Variants in PAOX observed in about 807,000 individuals in gnomAD.
The protein encoded by PAOX is polyamine oxidase, also known as peroxisomal N(1)-acetyl-spermine/spermidine oxidase.
Under a neutral mutation model 39.0 loss-of-function variants are expected in PAOX, and 38 were observed. The ratio of observed to expected loss-of-function variants is 0.97; its 90% CI spans 0.75 to 1.28. The LOEUF is 1.28. Ranked by LOEUF, PAOX falls within the 50% of genes most tolerant of loss-of-function variation. The probability of loss-of-function intolerance (pLI) is 0.00; values close to 1 mark genes in which losing one functional copy is unlikely to be tolerated. For synonymous variants in PAOX, 311 were observed against 314.4 expected, an observed-to-expected ratio of 0.99 and a Z score of 0.11; for missense variants, 667 against 685.7, an observed-to-expected ratio of 0.97 and a Z score of 0.30.
chr10:133,386,671 T>C (rs991042656), intron 4 of PAOX, among the ~76,000 whole-genome samples: 7 of 149,540 alleles, frequency 4.7e-5, no homozygotes, highest in African/African-American at 1.7e-4. Flanking sequence ...ATGGGGTTTC[T>C]CCATGTTGGT....
Position 133,379,335 on chromosome 10 carries a change from G to C in PAOX, c.19G>C (p.Val7Leu). 3 of 1,217,922 alleles carry C rather than the reference G, an allele frequency of 2.5e-6. No individual in the cohort carries two copies. In the South Asian group the frequency reaches 1.2e-4, roughly 50 times the overall value. The allele number at this position is 1,217,922 out of a possible 1,614,324, so 75.4% of individuals were successfully genotyped here. Residue 7 changes from valine to leucine, a missense_variant, in exon 1 of 7, where the codon GTC becomes CTC. Physicochemically the swap from Val to Leu is conservative, Grantham distance 32. Transcript: ENST00000278060. The part of the protein sequence containing the change: MESTGS[V>L]GEAPGGPRVL... ...CCGCGCGATGGAGTCGACCGGCAGC[G>C]TCGGGGAGGCCCCGGGCGGACCCCG...
At position 133,389,659 on chromosome 10, in the gene PAOX, G is replaced by A; in HGVS notation, c.1304G>A (p.Gly435Glu). 6.2e-7 allele frequency: 1 copy of A among 1,613,056 alleles called. No individual in the cohort carries two copies. The highest frequency in any genetic ancestry group is 1.1e-5 in the South Asian group (1 of 91,074). The part of the protein sequence containing the change: ...SRWHSAPYTR[G>E]SYSYVAVGST... ...TGGCACAGCGCCCCGTACACTAGGG[G>A]GTCCTACAGCTACGTGGCCGTGGGC... Residue 435 changes from glycine to glutamate, a missense_variant, in exon 6 of 7, where the codon GGG (glycine) becomes GAG (glutamate). Transcript: ENST00000278060.
intron 3 of PAOX, 31 bp from the exon 4 acceptor site, chr10:133,383,929 G>T (rs1849464556): frequency 6.3e-7 from 1 of 1,595,632 alleles, no homozygotes; most frequent in South Asian, 1.1e-5. Flanking sequence ...GGCTTTATGT[G>T]ATGTAAGAAG....
At chr10:133,385,047 G>A (rs1466358937) in intron 4 of PAOX, among the ~76,000 whole-genome samples, 1 of 152,218 alleles carries the variant, frequency 6.6e-6, no homozygotes, top group Non-Finnish European at 1.5e-5. Flanking sequence ...TGTAATCCCT[G>A]CACTTTGGGA....
At chr10:133,380,528 TC>T in intron 2 of PAOX, 43 bp downstream of exon 2, 4 of 1,546,658 alleles carry the variant, frequency 2.6e-6, no homozygotes, top group Non-Finnish European at 1.7e-6. Flanking sequence ...CCCACCAGGC[TC>T]CCCAGGGCAC....
intron 4 of PAOX, among the ~76,000 whole-genome samples, chr10:133,387,644 G>A (rs1849561526): frequency 6.6e-6 from 1 of 152,268 alleles, no homozygotes; most frequent in Non-Finnish European, 1.5e-5. Flanking sequence ...GGAATAGCGT[G>A]TGCTAGGTGA....
At chr10:133,380,507 C>A in intron 2 of PAOX, 22 bp downstream of exon 2, 1 of 1,572,030 alleles carries the variant, frequency 6.4e-7, no homozygotes, top group Non-Finnish European at 8.6e-7. Flanking sequence ...AGCCCCTGCC[C>A]CGCCAGTCCT....
rs1324718142 is a variant in PAOX at position 133,381,567 on chromosome 10, C to T, written c.776C>T (p.Ala259Val). Residue 259 changes from alanine to valine, a missense_variant, in exon 3 of 7, where the codon GCA becomes GTA. Physicochemically the swap from Ala to Val is moderately conservative, Grantham distance 64. Transcript: ENST00000278060. ...CACTGGAACGGGTCCTTCCAGGAGG[C>T]AGCCTTTCCCGGGGAGACCTTTCCA... is the stretch of plus-strand genomic sequence containing the variant. The part of the protein sequence containing the change: ...TIHWNGSFQE[A>V]AFPGETFPVS... 3.1e-6 allele frequency: 5 copies of T among 1,613,726 alleles called. No homozygotes were observed. Among genetic ancestry groups the T allele is most frequent in the Non-Finnish European group, 4.2e-6 (5 of 1,180,038 alleles).
At chr10:133,382,521 C>G (rs1206140183) in intron 3 of PAOX, among the ~76,000 whole-genome samples, 1 of 152,204 alleles carries the variant, frequency 6.6e-6, no homozygotes, top group Non-Finnish European at 1.5e-5. Context: ...GTGGCTCACG[C>G]TTGTAATCCC....
At position 133,389,628 on chromosome 10, in the gene PAOX, T is replaced by C; in HGVS notation, c.1273T>C (p.Ser425Pro). 6.2e-7 allele frequency: 1 copy of C among 1,613,616 alleles called. No individual in the cohort carries two copies. Among genetic ancestry groups the C allele is most frequent in the Non-Finnish European group, 8.5e-7 (1 of 1,180,006 alleles). ...RLPAPKSVLRSRWHSAPYTRG... is the reference protein window; with the variant it reads ...RLPAPKSVLRPRWHSAPYTRG... ...CCCCGCGCCCAAGAGCGTCCTGCGGTCTCGCTGGCACAGCGCCCCGTACAC... is the reference window on the plus strand; with the variant it reads ...CCCCGCGCCCAAGAGCGTCCTGCGGCCTCGCTGGCACAGCGCCCCGTACAC... Residue 425 changes from serine to proline, a missense_variant, in exon 6 of 7, where the codon TCT becomes CCT. Transcript: ENST00000278060.
chr10:133,381,658 A>G lies in PAOX; in HGVS notation c.867A>G (p.Leu289=), dbSNP rs1461838127. The G allele has an allele frequency of 6.2e-7, 1 of 1,612,780 alleles. No homozygotes were observed. Among genetic ancestry groups the G allele is most frequent in the Non-Finnish European group, 8.5e-7 (1 of 1,179,944 alleles). ...ACCATGTCATCGTCACCGTGCCCTT[A>G]GGTAGGTCAGGTTTTCAGCCCAAAC... is the stretch of plus-strand genomic sequence containing the variant. ...PAHHVIVTVP[L]GFLREHLDTF... is the part of the protein sequence containing the mutation. The change falls in exon 3 of 7, where the codon TTA becomes TTG. Residue 289 remains leucine, a splice_region_variant and synonymous_variant. Coordinates refer to ENST00000278060, the MANE Select transcript of PAOX (RefSeq NM_152911.4).
At chr10:133,390,835 C>CA in intron 6 of PAOX, 7 of 521,466 alleles carry the variant, frequency 1.3e-5, no homozygotes, top group Admixed American at 2.9e-5. Flanking sequence ...CTCCCCCACC[C>CA]TCCCCATATG....
In PAOX at chr10:133,381,661, T is replaced by C; in HGVS notation, c.868+2T>C. 1 of 1,612,570 alleles carries C rather than the reference T, an allele frequency of 6.2e-7. No individual in the cohort carries two copies. The highest frequency in any genetic ancestry group is 8.5e-7 in the Non-Finnish European group (1 of 1,179,868). ...ATGTCATCGTCACCGTGCCCTTAGG[T>C]AGGTCAGGTTTTCAGCCCAAACCCC... On this transcript the variant is annotated splice_donor_variant, in intron 3 of 6. Coordinates refer to ENST00000278060, the MANE Select transcript of PAOX (RefSeq NM_152911.4). LOFTEE classifies it high-confidence loss of function.
At position 133,380,013 on chromosome 10, in the gene PAOX, G is replaced by T; in HGVS notation, c.196G>T (p.Val66Leu). 4 of 1,511,378 alleles carry T rather than the reference G, an allele frequency of 2.6e-6. No individual in the cohort carries two copies. Among genetic ancestry groups the T allele is most frequent in the Non-Finnish European group, 3.5e-6 (4 of 1,134,722 alleles). The allele number at this position is 1,511,378 out of a possible 1,614,324, so 93.6% of individuals were successfully genotyped here. The change falls in exon 2 of 7, where the codon GTG (valine) becomes TTG (leucine). Residue 66 changes from valine to leucine, a missense_variant. Physicochemically the swap from Val to Leu is conservative, Grantham distance 32. Transcript: ENST00000278060. The stretch of plus-strand genomic sequence containing the variant: ...TCCCCTCGCAGGTGGCGTGGTGGAG[G>T]TGGGCGCGCACTGGATCCATGGGCC... ...SERCFGGVVEVGAHWIHGPSR... is the reference protein window; with the variant it reads ...SERCFGGVVELGAHWIHGPSR...
At chr10:133,379,723 G>T (rs998308057) in intron 1 of PAOX, 179 of 529,062 alleles carry the variant, frequency 3.4e-4, no homozygotes, top group Non-Finnish European at 2.6e-4. Context: ...CCACAAGGCC[G>T]CCCTGATTCT....
At chr10:133,379,758 C>CG in intron 1 of PAOX, 1 of 543,478 alleles carries the variant, frequency 1.8e-6, no homozygotes, top group Non-Finnish European at 2.9e-6. Flanking sequence ...CCCCCAGCCC[C>CG]GGGGTACGCC....
In PAOX at chr10:133,381,627, C is replaced by T. The variant is rs749327396; in HGVS notation, c.836C>T (p.Pro279Leu). 6.1e-5 allele frequency: 98 copies of T among 1,613,174 alleles called. No homozygotes were observed. The highest frequency in any genetic ancestry group is 7.7e-5 in the Non-Finnish European group (91 of 1,180,012). The change falls in exon 3 of 7, where the codon CCG (proline) becomes CTG (leucine). Residue 279 changes from proline to leucine, a missense_variant. Physicochemically the swap from Pro to Leu is moderately conservative, Grantham distance 98. Transcript: ENST00000278060. ...GAGTGTGAGGATGGAGACCGGTTCC[C>T]GGCGCACCATGTCATCGTCACCGTG... ...SVECEDGDRF[P>L]AHHVIVTVPL...
At position 133,380,151 on chromosome 10, in the gene PAOX, T is replaced by C; in HGVS notation, c.334T>C (p.Ser112Pro). The change falls in exon 2 of 7, where the codon TCC (serine) becomes CCC (proline). Residue 112 changes from serine to proline, a missense_variant. Transcript: ENST00000278060. Reference sequence around the variant, plus strand: ...GACCGGGGGTCACGTGGGCCTGCCCTCCGTGAGCTACGCCAGCTCCGGGGC... The same window carrying C: ...GACCGGGGGTCACGTGGGCCTGCCCCCCGTGAGCTACGCCAGCTCCGGGGC... ...VETGGHVGLPSVSYASSGASV... is the reference protein window; with the variant it reads ...VETGGHVGLPPVSYASSGASV... 1 of 1,603,140 alleles carries C rather than the reference T, an allele frequency of 6.2e-7. No homozygotes were observed. The highest frequency in any genetic ancestry group is 1.3e-5 in the African/African-American group (1 of 74,814).
chr10:133,384,300 A>G lies in PAOX; in HGVS notation c.1121+88A>G, dbSNP rs1241661744. On this transcript the variant is annotated intron_variant, in intron 4 of 6. Transcript: ENST00000278060. The surrounding 1 kb of genome is among the most constrained non-coding windows in gnomAD (Gnocchi z 4.3). ...ACGCAGCAGTGTGTCTGTTCACTGCAGGGTATTTCTAGGGGGTTTAATGGG... is the reference window on the plus strand; with the variant it reads ...ACGCAGCAGTGTGTCTGTTCACTGCGGGGTATTTCTAGGGGGTTTAATGGG... The G allele has an allele frequency of 6.5e-7, 1 of 1,533,168 alleles. No homozygotes were observed. The highest frequency in any genetic ancestry group is 1.4e-5 in the African/African-American group (1 of 72,776). 95.0% of individuals were successfully genotyped at this position (1,533,168 alleles called of 1,614,324 possible).
Sources: allele counts gnomAD v4.1 joint callset (sites outside exome capture counted in the v4.1 genomes callset), GRCh38; gene constraint gnomAD v4.1.1; non-coding constraint Gnocchi (gnomAD v3.1); transcripts MANE v1.5; gene names NCBI Gene and HGNC (gene_info 2026-07-23, HGNC 2026-07-21).